Variants in PARD3 observed in about 807,000 individuals in gnomAD.
The protein encoded by PARD3 is partitioning defective 3 homolog.
A neutral mutation model predicts 155.4 loss-of-function variants in PARD3; 75 were observed. That is an observed-to-expected ratio of 0.48 (90% CI 0.40 to 0.58). PARD3 has a LOEUF of 0.58. PARD3 is among the 20% of genes least tolerant of loss of function. The pLI, the probability that PARD3 is intolerant of heterozygous loss-of-function variation, is 0.00. For synonymous variants in PARD3, 576 were observed against 610.5 expected (o/e 0.94, Z 0.83); for missense variants, 1,642 against 1,721.7 (o/e 0.95, Z 0.82).
intron 22 of PARD3, among the ~76,000 whole-genome samples, chr10:34,161,151 G>A (rs1159749031): frequency 6.6e-6 from 1 of 151,094 alleles, no homozygotes; most frequent in African/African-American, 2.4e-5. Context: ...AGGCTGAGAT[G>A]GGAGGATCAC....
At chr10:34,617,940 T>C (rs1346349717) in intron 2 of PARD3, among the ~76,000 whole-genome samples, 2 of 152,234 alleles carry the variant, frequency 1.3e-5, no homozygotes, top group African/African-American at 4.8e-5. Context: ...ACAGTTTGTT[T>C]TGAAATTTTA....
At chr10:34,307,887 T>C (rs934026397) in intron 20 of PARD3, among the ~76,000 whole-genome samples, 1 of 152,192 alleles carries the variant, frequency 6.6e-6, no homozygotes, top group Non-Finnish European at 1.5e-5. Context: ...GGATCTATCA[T>C]AGCTCAGGTA....
At chr10:34,121,089 A>C (rs1449656746) in intron 23 of PARD3, among the ~76,000 whole-genome samples, 1 of 152,112 alleles carries the variant, frequency 6.6e-6, no homozygotes, top group African/African-American at 2.4e-5. Flanking sequence ...GAAAAACGAA[A>C]AGAAAGAAAA....
chr10:34,738,946 G>A lies in PARD3; in HGVS notation c.121-42527C>T, dbSNP rs74134408. 4.4e-3 allele frequency among the ~76,000 whole-genome samples: 676 copies of A among 152,288 alleles called. 7 individuals carry two copies. The highest frequency in any genetic ancestry group is 0.015 in the African/African-American group (644 of 41,558). ...AAAACCAGAACAAGCACAAATGGGGGTGTTCAGTAAATGGTAATGATTGAT... is the reference window on the plus strand; with the variant it reads ...AAAACCAGAACAAGCACAAATGGGGATGTTCAGTAAATGGTAATGATTGAT... On this transcript the variant is annotated intron_variant, in intron 1 of 24. Coordinates refer to ENST00000374788, the MANE Select transcript of PARD3 (RefSeq NM_001184785.2).
intron 2 of PARD3, among the ~76,000 whole-genome samples, chr10:34,676,570 A>T (rs1238453849): frequency 6.6e-6 from 1 of 152,200 alleles, no homozygotes; most frequent in African/African-American, 2.4e-5. Flanking sequence ...CATGTTTACA[A>T]GGGCAGAACA....
chr10:34,645,816 T>C (rs2092819976), intron 2 of PARD3, among the ~76,000 whole-genome samples: 2 of 152,124 alleles, frequency 1.3e-5, no homozygotes, highest in African/African-American at 4.8e-5. Flanking sequence ...AGCAGATTTT[T>C]AGAGCAAATT....
intron 2 of PARD3, among the ~76,000 whole-genome samples, chr10:34,580,967 A>G (rs1343951095): frequency 6.6e-6 from 1 of 152,164 alleles, no homozygotes; most frequent in African/African-American, 2.4e-5. Context: ...TTAATTTCTA[A>G]AAGAAAATAT....
chr10:34,133,494 T>C (rs2132795463), intron 22 of PARD3, among the ~76,000 whole-genome samples: 1 of 152,190 alleles, frequency 6.6e-6, no homozygotes, highest in South Asian at 2.1e-4. Flanking sequence ...AAGAACCACA[T>C]CTTCTTCTTA....
intron 23 of PARD3, 150 bp from the exon 24 acceptor site, chr10:34,119,890 T>A (rs924499950): frequency 8.5e-6 from 6 of 705,066 alleles, no homozygotes; most frequent in Middle Eastern, 3.7e-4. Flanking sequence ...TTGAGAAAAG[T>A]GGCATACATA....
chr10:34,681,182 T>C (rs2093810984), intron 2 of PARD3, among the ~76,000 whole-genome samples: 1 of 152,112 alleles, frequency 6.6e-6, no homozygotes, highest in Non-Finnish European at 1.5e-5. Flanking sequence ...CTTGACTGAG[T>C]AATTTTATAT....
At chr10:34,343,548 G>A (rs991125095) in intron 15 of PARD3, 1 of 985,192 alleles carries the variant, frequency 1.0e-6, no homozygotes, top group African/African-American at 1.7e-5. Flanking sequence ...ATTTCCACAA[G>A]ATTTGAAAAC....
intron 22 of PARD3, among the ~76,000 whole-genome samples, chr10:34,167,083 G>GA (rs1358676897): frequency 6.6e-6 from 1 of 152,006 alleles, no homozygotes. Context: ...GTCGAGCTTG[G>GA]ATTTTCTGCT....
chr10:34,811,220 C>T (rs1458094318), intron 1 of PARD3, among the ~76,000 whole-genome samples: 1 of 152,240 alleles, frequency 6.6e-6, no homozygotes, highest in Non-Finnish European at 1.5e-5. Flanking sequence ...CTTAGCTAAA[C>T]ACCACAGTCC....
intron 4 of PARD3, among the ~76,000 whole-genome samples, chr10:34,459,190 G>A (rs189466967): frequency 4.0e-4 from 60 of 151,576 alleles, no homozygotes; most frequent in African/African-American, 1.4e-3. Context: ...TTTTTGAGAC[G>A]GAGTCTCGCT....
At chr10:34,644,892 C>T (rs922065676) in intron 2 of PARD3, among the ~76,000 whole-genome samples, 86 of 152,174 alleles carry the variant, frequency 5.7e-4, no homozygotes, top group Non-Finnish European at 1.9e-4. Context: ...CTTACTCTGT[C>T]GCCCAGGCTG....
At chr10:34,332,590 ATTTT>A (rs1835731738) in intron 18 of PARD3, among the ~76,000 whole-genome samples, 1 of 152,196 alleles carries the variant, frequency 6.6e-6, no homozygotes, top group Non-Finnish European at 1.5e-5. Context: ...ACAAAATTTA[ATTTT>A]TTAAGATTCA....
chr10:34,688,349 A>C (rs2093987408), intron 2 of PARD3, among the ~76,000 whole-genome samples: 1 of 152,242 alleles, frequency 6.6e-6, no homozygotes, highest in Admixed American at 6.5e-5. Flanking sequence ...CTCAAATAAT[A>C]AATGACAAAG....
intron 1 of PARD3, among the ~76,000 whole-genome samples, chr10:34,712,171 T>C (rs935041177): frequency 6.6e-6 from 1 of 151,936 alleles, no homozygotes; most frequent in Non-Finnish European, 1.5e-5. Context: ...GATCTAAGAG[T>C]GTGGAAGGGT....
chr10:34,761,067 CA>C (rs1014042185), intron 1 of PARD3, among the ~76,000 whole-genome samples: 9 of 149,536 alleles, frequency 6.0e-5, no homozygotes, highest in South Asian at 2.1e-4. Flanking sequence ...CAACCAAAAA[CA>C]AAAAAAAAGT....
Sources: gnomAD v4.1 joint callset for allele counts (sites outside exome capture counted in the v4.1 genomes callset) on GRCh38, gnomAD v4.1.1 for gene constraint, MANE v1.5 for transcripts, NCBI Gene and HGNC (gene_info 2026-07-23, HGNC 2026-07-21) for gene names.